The following DAB2IP variants were observed in gnomAD, a reference collection of about 807,000 sequenced individuals.
DAB2IP encodes DAB2 interacting protein, also known as disabled homolog 2-interacting protein.
A neutral mutation model predicts 107.2 loss-of-function variants in DAB2IP; 28 were observed. That is an observed-to-expected ratio of 0.26 (90% CI 0.19 to 0.36). DAB2IP has a LOEUF of 0.36. DAB2IP is among the 10% of genes least tolerant of loss of function. The pLI, the probability that DAB2IP is intolerant of heterozygous loss-of-function variation, is 1.00. For synonymous variants in DAB2IP, 755 were observed against 706.4 expected (o/e 1.07, Z -1.09); for missense variants, 1,400 against 1,644.7 (o/e 0.85, Z 2.57).
chr9:121,766,065 C>T (rs1834255571), intron 8 of DAB2IP, among the ~76,000 whole-genome samples: 1 of 152,356 alleles, frequency 6.6e-6, no homozygotes, highest in Admixed American at 6.5e-5. Flanking sequence ...TTCCTCACTT[C>T]CCCCTAGACC....
At chr9:121,614,503 G>A (rs1398138082) in intron 1 of DAB2IP, among the ~76,000 whole-genome samples, 1 of 151,358 alleles carries the variant, frequency 6.6e-6, no homozygotes, top group Non-Finnish European at 1.5e-5. Flanking sequence ...ACCATGCCTG[G>A]CTAATTTTTG....
At chr9:121,675,847 A>C (rs1200013022) in intron 1 of DAB2IP, among the ~76,000 whole-genome samples, 1 of 152,214 alleles carries the variant, frequency 6.6e-6, no homozygotes, top group Non-Finnish European at 1.5e-5. Flanking sequence ...AGGGTGCTCC[A>C]GGTGGGTGGT....
chr9:121,601,892 G>A, intron 1 of DAB2IP, among the ~76,000 whole-genome samples: 1 of 75,274 alleles, frequency 1.3e-5, no homozygotes, highest in East Asian at 2.0e-4. Flanking sequence ...GCCTTTGTGT[G>A]TGTGTGTGTG....
intron 1 of DAB2IP, among the ~76,000 whole-genome samples, chr9:121,601,908 G>A (rs547335210): frequency 3.7e-4 from 56 of 151,722 alleles, no homozygotes; most frequent in South Asian, 1.0e-3. Flanking sequence ...GTGTGTGTGC[G>A]CGTGCGTGTG....
chr9:121,642,076 T>TTTCTTTCTTTCTTTCTTTCTTTC (rs1564129085), intron 1 of DAB2IP, among the ~76,000 whole-genome samples: 1 of 135,758 alleles, frequency 7.4e-6, no homozygotes, highest in Non-Finnish European at 1.5e-5. Flanking sequence ...TCTTTCTTTC[T>TTTCTTTCTTTCTTTCTTTCTTTC]TTCTTTCTCA....
intron 2 of DAB2IP, among the ~76,000 whole-genome samples, chr9:121,691,406 C>T (rs1401280904): frequency 6.6e-6 from 1 of 151,762 alleles, no homozygotes; most frequent in African/African-American, 2.4e-5. Flanking sequence ...AGGAACAGCC[C>T]AGGCCCTTCT....
chr9:121,672,486 T>A (rs1416959317), intron 1 of DAB2IP, among the ~76,000 whole-genome samples: 2 of 152,266 alleles, frequency 1.3e-5, no homozygotes, highest in Non-Finnish European at 2.9e-5. Context: ...AGCATTTGAA[T>A]GAAACTGATT....
chr9:121,780,032 A>AT (rs1835489153), intron 14 of DAB2IP, among the ~76,000 whole-genome samples: 2 of 151,516 alleles, frequency 1.3e-5, no homozygotes, highest in Admixed American at 6.6e-5. Flanking sequence ...TATTGTGTCC[A>AT]TTTTTCTGGT....
At chr9:121,657,497 A>G (rs1371529624) in intron 1 of DAB2IP, among the ~76,000 whole-genome samples, 1 of 152,112 alleles carries the variant, frequency 6.6e-6, no homozygotes, top group African/African-American at 2.4e-5. Context: ...CAGTTCTCCA[A>G]TCCTCCTAGC....
Position 121,634,529 on chromosome 9 carries a change from C to G in DAB2IP, c.41-44149C>G, listed in dbSNP as rs1832010710. Among the ~76,000 whole-genome samples, 1 of 152,168 alleles carries G rather than the reference C, an allele frequency of 6.6e-6. No individual in the cohort carries two copies. Among genetic ancestry groups the G allele is most frequent in the Non-Finnish European group, 1.5e-5 (1 of 68,038 alleles). On this transcript the variant is annotated intron_variant, in intron 1 of 16. Coordinates refer to the DAB2IP transcript ENST00000259371. The surrounding 1 kb of genome is among the most constrained non-coding windows in gnomAD (Gnocchi z 4.7). ...AAAGCAGCCTCACTCCAGCACAAGCCTGGGCAGGTGCAGCCTCGGTGCGCA... is the reference window on the plus strand; with the variant it reads ...AAAGCAGCCTCACTCCAGCACAAGCGTGGGCAGGTGCAGCCTCGGTGCGCA...
At chr9:121,691,295 A>G (rs1245687482) in intron 2 of DAB2IP, among the ~76,000 whole-genome samples, 1 of 152,170 alleles carries the variant, frequency 6.6e-6, no homozygotes, top group African/African-American at 2.4e-5. Flanking sequence ...TGGTAAGTCT[A>G]CAGGGAGACC....
intron 1 of DAB2IP, among the ~76,000 whole-genome samples, chr9:121,661,918 T>C (rs1003516973): frequency 6.6e-6 from 1 of 151,918 alleles, no homozygotes; most frequent in African/African-American, 2.4e-5. Context: ...GACTTCCAGG[T>C]TGTGATGACC....
chr9:121,654,128 G>A (rs774815631), intron 1 of DAB2IP, among the ~76,000 whole-genome samples: 17 of 152,218 alleles, frequency 1.1e-4, no homozygotes, highest in African/African-American at 1.7e-4. Flanking sequence ...AGGGCCAGAA[G>A]CCAGTGCCTG....
chr9:121,589,916 CTCCCTTCCCTTCCCT>C (rs145754287), intron 1 of DAB2IP, among the ~76,000 whole-genome samples: 1,039 of 93,348 alleles, frequency 0.011, 25 homozygotes, highest in African/African-American at 0.024. Context: ...CCCAGTCCTG[CTCCCTTCCCTTCCCT>C]TCCCTTCCCT....
At chr9:121,715,091 G>A (rs1830526657) in intron 3 of DAB2IP, among the ~76,000 whole-genome samples, 1 of 152,236 alleles carries the variant, frequency 6.6e-6, no homozygotes, top group Non-Finnish European at 1.5e-5. Flanking sequence ...CATGCCAAGG[G>A]GCATGCCCCG....
exon 1 of DAB2IP, chr9:121,567,192 G>A (rs1829823980): frequency 1.2e-6 from 2 of 1,614,056 alleles, no homozygotes; most frequent in Non-Finnish European, 1.7e-6. Flanking sequence ...ACACGCCATG[G>A]AGCCCGACTC....
chr9:121,675,103 A>T (rs1374289299), intron 1 of DAB2IP, among the ~76,000 whole-genome samples: 1 of 152,004 alleles, frequency 6.6e-6, no homozygotes, highest in Non-Finnish European at 1.5e-5. Context: ...GGGGTGGGAA[A>T]CAGACAACCC....
At chr9:121,710,904 G>A (rs991205107) in intron 3 of DAB2IP, among the ~76,000 whole-genome samples, 1 of 152,234 alleles carries the variant, frequency 6.6e-6, no homozygotes, top group Non-Finnish European at 1.5e-5. Context: ...GACTGGATGT[G>A]ACGTAGGGAA....
At chr9:121,766,867 T>A in intron 9 of DAB2IP, 137 bp downstream of exon 9, 1 of 808,096 alleles carries the variant, frequency 1.2e-6, no homozygotes, top group Non-Finnish European at 2.0e-6. Flanking sequence ...CCTCAGTCCT[T>A]CTCCTTCCCG....
Sources: allele counts gnomAD v4.1 joint callset (sites outside exome capture counted in the v4.1 genomes callset), GRCh38; gene constraint gnomAD v4.1.1; non-coding constraint Gnocchi (gnomAD v3.1); transcripts MANE v1.5; gene names NCBI Gene and HGNC (gene_info 2026-07-23, HGNC 2026-07-21).